Variants in WNT4 observed in about 807,000 individuals in gnomAD.
WNT4 encodes the protein protein Wnt-4.
In WNT4, 16 loss-of-function variants were observed where a neutral mutation model predicts 34.5. The observed-to-expected ratio is 0.46, with a 90% CI of 0.31 to 0.70. WNT4 has a LOEUF of 0.70. Ranked by LOEUF, WNT4 falls within the 30% of genes least tolerant of loss-of-function variation. The pLI is 0.04. For synonymous variants in WNT4, 200 were observed against 211.9 expected (o/e 0.94, Z 0.49); for missense variants, 379 against 495.9 (o/e 0.76, Z 2.24).
At chr1:22,133,080 G>A (rs1051816016) in intron 1 of WNT4, among the ~76,000 whole-genome samples, 1 of 152,128 alleles carries the variant, frequency 6.6e-6, no homozygotes, top group African/African-American at 2.4e-5. Flanking sequence ...CACAGCTAGA[G>A]CGGCGAGCTG....
intron 1 of WNT4, among the ~76,000 whole-genome samples, chr1:22,132,786 C>T (rs1419465722): frequency 6.6e-6 from 1 of 152,148 alleles, no homozygotes; most frequent in Non-Finnish European, 1.5e-5. Flanking sequence ...CACCCCCAGC[C>T]CCTGCCTTCA....
At chr1:22,123,974 C>T (rs1218917149) in intron 2 of WNT4, among the ~76,000 whole-genome samples, 3 of 152,244 alleles carry the variant, frequency 2.0e-5, no homozygotes, top group African/African-American at 7.2e-5. Flanking sequence ...GCCCCTAAAG[C>T]TGATGGCGGC....
intron 1 of WNT4, among the ~76,000 whole-genome samples, chr1:22,135,897 C>G (rs1357791271): frequency 1.3e-5 from 2 of 152,164 alleles, no homozygotes; most frequent in Non-Finnish European, 2.9e-5. Context: ...CCTTTGGGCC[C>G]CTTTCCCTCT....
rs1646060391 is a variant in WNT4 at position 22,140,804 on chromosome 1, G to A, written c.77+2042C>T. Among the ~76,000 whole-genome samples the A allele has an allele frequency of 6.6e-6, 1 of 152,232 alleles. No individual in the cohort carries two copies. The highest frequency in any genetic ancestry group is 6.5e-5 in the Admixed American group (1 of 15,290). ...GAGCAGGAGTGAGCTGGGTCATCCA[G>A]AGACCTGCTTCGTGGCAACCTGAAC... On this transcript the variant is annotated intron_variant, in intron 1 of 4. Transcript: ENST00000290167. This position sits in a 1 kb window ranked among gnomAD's most constrained non-coding sequence, Gnocchi z 5.9.
intron 2 of WNT4, among the ~76,000 whole-genome samples, chr1:22,125,625 C>T (rs1289747229): frequency 6.6e-6 from 1 of 152,174 alleles, no homozygotes; most frequent in East Asian, 1.9e-4. Flanking sequence ...CTCCCAGTCA[C>T]AGCAGTCAGA....
chr1:22,125,604 C>A (rs780542643), intron 2 of WNT4, among the ~76,000 whole-genome samples: 1 of 152,148 alleles, frequency 6.6e-6, no homozygotes, highest in Non-Finnish European at 1.5e-5. Flanking sequence ...ATGGCCAGGG[C>A]ACCACATGGC....
chr1:22,138,408 C>A (rs1015510735), intron 1 of WNT4, among the ~76,000 whole-genome samples: 1 of 152,204 alleles, frequency 6.6e-6, no homozygotes, highest in East Asian at 1.9e-4. Context: ...TTTTGCCCGC[C>A]CCCCAGGGGA....
chr1:22,120,361 C>A lies in WNT4; in HGVS notation c.745G>T (p.Val249Leu), dbSNP rs764690489. The A allele has an allele frequency of 1.2e-6, 2 of 1,614,094 alleles. No individual in the cohort carries two copies. The highest frequency in any genetic ancestry group is 1.3e-5 in the African/African-American group (1 of 74,954). ...GGCACCAGTGCCCTGGAGGAGCCCA[C>A]GCGGCGTGGCTCCACCTCAGTGGCA... Reference protein sequence around the residue: ...DGATEVEPRRVGSSRALVPRN... With the variant: ...DGATEVEPRRLGSSRALVPRN... Residue 249 changes from valine (V) to leucine (L), a missense_variant, in exon 5 of 5, where the codon GTG (valine) becomes TTG (leucine). Coordinates refer to ENST00000290167, the MANE Select transcript of WNT4 (RefSeq NM_030761.5).
chr1:22,129,991 CAGTTA>C, intron 1 of WNT4, 140 bp from the exon 2 acceptor site: 1 of 961,332 alleles, frequency 1.0e-6, no homozygotes, highest in South Asian at 1.3e-5. Flanking sequence ...TCTCTGGATC[CAGTTA>C]CAGGCCCTCT....
chr1:22,133,439 C>T (rs1219924621), intron 1 of WNT4, among the ~76,000 whole-genome samples: 1 of 152,158 alleles, frequency 6.6e-6, no homozygotes, highest in Non-Finnish European at 1.5e-5. Flanking sequence ...GTGGCTCAAC[C>T]CCAGAGACAC....
rs1258803256 is a variant in WNT4, at chr1:22,140,632, C to G, written c.77+2214G>C. Among the ~76,000 whole-genome samples the G allele has an allele frequency of 6.6e-6, 1 of 152,180 alleles. No homozygotes were observed. Among genetic ancestry groups the G allele is most frequent in the East Asian group, 1.9e-4 (1 of 5,192 alleles). ...CATTCCTGGCCAGCTGATTGTTCGACAGAGGTTGATAAATATTGGACCAAC... is the reference window on the plus strand; with the variant it reads ...CATTCCTGGCCAGCTGATTGTTCGAGAGAGGTTGATAAATATTGGACCAAC... On this transcript the variant is annotated intron_variant, in intron 1 of 4. Coordinates refer to ENST00000290167, the MANE Select transcript of WNT4 (RefSeq NM_030761.5). This position sits in a 1 kb window ranked among gnomAD's most constrained non-coding sequence, Gnocchi z 5.9.
At chr1:22,128,267 C>G (rs1645955295) in intron 2 of WNT4, among the ~76,000 whole-genome samples, 1 of 152,208 alleles carries the variant, frequency 6.6e-6, no homozygotes, top group Non-Finnish European at 1.5e-5. Flanking sequence ...CCGTCCAGGA[C>G]CACAGGTGTC....
rs1475147484 is a variant in WNT4, at chr1:22,140,515, G to C, written c.77+2331C>G. Reference sequence around the variant, plus strand: ...CTGACAGCCATAGAGCATGTGCCCTGTTCCACCCAGTCGTGGTTTTATCAT... The same window carrying C: ...CTGACAGCCATAGAGCATGTGCCCTCTTCCACCCAGTCGTGGTTTTATCAT... On this transcript the variant is annotated intron_variant, in intron 1 of 4. Coordinates refer to ENST00000290167, the MANE Select transcript of WNT4 (RefSeq NM_030761.5). This position sits in a 1 kb window ranked among gnomAD's most constrained non-coding sequence, Gnocchi z 5.9. 1.3e-5 allele frequency among the ~76,000 whole-genome samples: 2 copies of C among 152,200 alleles called. No individual in the cohort carries two copies. The highest frequency in any genetic ancestry group is 4.8e-5 in the African/African-American group (2 of 41,440).
chr1:22,121,794 A>G (rs1645900859), intron 2 of WNT4, among the ~76,000 whole-genome samples: 1 of 152,178 alleles, frequency 6.6e-6, no homozygotes, highest in Non-Finnish European at 1.5e-5. Flanking sequence ...GGCTTTTCAA[A>G]CGTGCAGATG....
At position 22,137,602 on chromosome 1, in the gene WNT4, G is replaced by A. The variant is rs1454410863; in HGVS notation, c.77+5244C>T. Among the ~76,000 whole-genome samples the A allele has an allele frequency of 6.6e-6, 1 of 152,252 alleles. No individual in the cohort carries two copies. Among genetic ancestry groups the A allele is most frequent in the Non-Finnish European group, 1.5e-5 (1 of 68,044 alleles). The stretch of plus-strand genomic sequence containing the variant: ...TTGGGCGAGTTTCAACAGGTTTGGG[G>A]AGCACTGTCTTGTCAGATGCTTGCT... On this transcript the variant is annotated intron_variant, in intron 1 of 4. Transcript: ENST00000290167. The surrounding 1 kb of genome is among the most constrained non-coding windows in gnomAD (Gnocchi z 5.3).
rs566547803 is a variant in WNT4 at position 22,120,886 on chromosome 1, C to T, written c.588+325G>A. On this transcript the variant is annotated intron_variant, in intron 4 of 4. Transcript: ENST00000290167. ...GCATTACAGTTAGGCACATGATCTT[C>T]GTGGTGATGGAGAGAAAGGTTCACA... Among the ~76,000 whole-genome samples the T allele has an allele frequency of 5.3e-5, 8 of 152,160 alleles. No individual in the cohort carries two copies. In the South Asian group the frequency reaches 1.2e-3, roughly 24 times the overall value.
At chr1:22,125,056 G>A (rs1028398435) in intron 2 of WNT4, among the ~76,000 whole-genome samples, 1 of 152,168 alleles carries the variant, frequency 6.6e-6, no homozygotes, top group Non-Finnish European at 1.5e-5. Context: ...TATAGGATCA[G>A]GGAAAGAGCA....
Position 22,138,005 on chromosome 1 carries a change from C to T in WNT4, c.77+4841G>A, listed in dbSNP as rs146945152. Among the ~76,000 whole-genome samples, 41 of 152,324 alleles carry T rather than the reference C, an allele frequency of 2.7e-4. No individual in the cohort carries two copies. In the East Asian group the frequency reaches 6.2e-3, roughly 23 times the overall value. ...ATTCATCCATCAAAGATCGGCTGAG[C>T]ACCTAGTACCTGACAGGCACGTGCC... On this transcript the variant is annotated intron_variant, in intron 1 of 4. Transcript: ENST00000290167.
Position 22,142,710 on chromosome 1 carries a change from A to T in WNT4, c.77+136T>A. The T allele has an allele frequency of 1.9e-6, 1 of 532,764 alleles. No individual in the cohort carries two copies. 33.0% of individuals were successfully genotyped at this position (532,764 alleles called of 1,614,324 possible). ...GGGCCGTGGCGGCGGCAGCGGAGCG[A>T]GCGAGCCTCCGGTCCCGCGGCCGAG... On this transcript the variant is annotated intron_variant, in intron 1 of 4. Coordinates refer to ENST00000290167, the MANE Select transcript of WNT4 (RefSeq NM_030761.5). This position sits in a 1 kb window ranked among gnomAD's most constrained non-coding sequence, Gnocchi z 6.0.
Sources: allele counts gnomAD v4.1 joint callset (sites outside exome capture counted in the v4.1 genomes callset), GRCh38; gene constraint gnomAD v4.1.1; non-coding constraint Gnocchi (gnomAD v3.1); transcripts MANE v1.5; gene names NCBI Gene and HGNC (gene_info 2026-07-23, HGNC 2026-07-21).